Variants in VAV2 observed in about 807,000 individuals in gnomAD.
The protein encoded by VAV2 is guanine nucleotide exchange factor VAV2.
In VAV2, 67 loss-of-function variants were observed where a neutral mutation model predicts 132.5. That is an observed-to-expected ratio of 0.51 (90% CI 0.42 to 0.62). The LOEUF (loss-of-function observed/expected upper bound fraction) is 0.62, where lower values mean the gene tolerates loss of function less well. Among genes scored for constraint, VAV2 ranks in the 20% least tolerant of loss-of-function variants. The pLI, the probability that VAV2 is intolerant of heterozygous loss-of-function variation, is 0.00. For missense variants in VAV2, 938 were observed against 1,153.6 expected (o/e 0.81, Z 2.71); for synonymous variants, 492 against 443.5 (o/e 1.11, Z -1.37).
intron 2 of VAV2, among the ~76,000 whole-genome samples, chr9:133,902,245 C>T (rs1038585485): frequency 6.6e-6 from 1 of 152,204 alleles, no homozygotes; most frequent in Admixed American, 6.5e-5. Flanking sequence ...GAGGACCACG[C>T]AGGACAATCC....
intron 3 of VAV2, among the ~76,000 whole-genome samples, chr9:133,836,838 C>T (rs955749332): frequency 1.3e-5 from 2 of 152,218 alleles, no homozygotes; most frequent in South Asian, 2.1e-4. Flanking sequence ...TGAGCACACA[C>T]GCGTGCCTCT....
At chr9:133,931,944 T>C (rs558379526) in intron 2 of VAV2, among the ~76,000 whole-genome samples, 2 of 152,276 alleles carry the variant, frequency 1.3e-5, no homozygotes, top group East Asian at 1.9e-4. Context: ...CCACGGCACA[T>C]GGTAAACAGT....
At chr9:133,831,125 G>A (rs538997280) in intron 4 of VAV2, among the ~76,000 whole-genome samples, 22 of 152,168 alleles carry the variant, frequency 1.4e-4, no homozygotes, top group East Asian at 3.9e-4. Context: ...CAATCAGGAC[G>A]GGCAGAGAAA....
At chr9:133,979,717 G>A (rs1842634279) in intron 1 of VAV2, among the ~76,000 whole-genome samples, 1 of 152,196 alleles carries the variant, frequency 6.6e-6, no homozygotes, top group South Asian at 2.1e-4. Context: ...TCAGCCTGCT[G>A]ACTTTGCCAG....
chr9:133,920,567 G>A (rs77086577), intron 2 of VAV2, among the ~76,000 whole-genome samples: 2,556 of 152,224 alleles, frequency 0.017, 64 homozygotes, highest in South Asian at 0.056. Flanking sequence ...GAAAAGCGTC[G>A]CTGATACCAG....
chr9:133,921,806 G>A (rs892751616), intron 2 of VAV2, among the ~76,000 whole-genome samples: 2 of 152,224 alleles, frequency 1.3e-5, no homozygotes, highest in Non-Finnish European at 2.9e-5. Flanking sequence ...ATCAACCGCG[G>A]ATGAACTTGA....
At chr9:133,838,387 G>T (rs967227166) in intron 3 of VAV2, among the ~76,000 whole-genome samples, 3 of 149,060 alleles carry the variant, frequency 2.0e-5, no homozygotes, top group African/African-American at 7.5e-5. Context: ...ATGGCGGGGG[G>T]TGGATGGTTG....
intron 1 of VAV2, among the ~76,000 whole-genome samples, chr9:133,951,006 A>G (rs1170152845): frequency 6.6e-6 from 1 of 152,220 alleles, no homozygotes; most frequent in East Asian, 1.9e-4. Context: ...CTTCACAGCC[A>G]GCAGACACCG....
chr9:133,763,901 G>T lies in VAV2; in HGVS notation c.*161C>A. 1.2e-6 allele frequency: 1 copy of T among 831,726 alleles called. No individual in the cohort carries two copies. The highest frequency in any genetic ancestry group is 1.9e-6 in the Non-Finnish European group (1 of 521,606). The allele number at this position is 831,726 out of a possible 1,614,324, so 51.5% of individuals were successfully genotyped here. A position where few individuals can be genotyped will look rare whatever the true frequency, so the allele number is the denominator to read the frequency against. On this transcript the variant is annotated 3_prime_UTR_variant, in exon 30 of 30. Transcript: ENST00000371850. This position sits in a 1 kb window ranked among gnomAD's most constrained non-coding sequence, Gnocchi z 6.8. ...GCCGAGGGCAGGCTGACAGTGAAAC[G>T]GTTCGAGTTTAGGATTCTCAACACC...
intron 13 of VAV2, among the ~76,000 whole-genome samples, chr9:133,791,091 G>A (rs149552810): frequency 8.9e-4 from 135 of 152,328 alleles, no homozygotes; most frequent in African/African-American, 2.8e-3. Context: ...AGCCCCAGAC[G>A]TCAGCAGTGC....
intron 29 of VAV2, among the ~76,000 whole-genome samples, chr9:133,767,870 A>G (rs1039684915): frequency 6.6e-5 from 10 of 152,198 alleles, no homozygotes; most frequent in African/African-American, 2.2e-4. Context: ...GGTCAAAGCT[A>G]GAGGTCCAGA....
intron 9 of VAV2, among the ~76,000 whole-genome samples, chr9:133,799,850 T>G (rs1056789624): frequency 6.6e-6 from 1 of 151,832 alleles, no homozygotes; most frequent in African/African-American, 2.4e-5. Context: ...GAGGGACATT[T>G]AAGAGACCAC....
intron 9 of VAV2, among the ~76,000 whole-genome samples, chr9:133,805,056 C>T (rs563308713): frequency 1.1e-4 from 16 of 152,276 alleles, no homozygotes; most frequent in African/African-American, 3.8e-4. Context: ...AGGCAACGTG[C>T]CTGAGAATCC....
intron 1 of VAV2, among the ~76,000 whole-genome samples, chr9:133,987,940 G>C (rs563393933): frequency 3.9e-5 from 6 of 152,314 alleles, no homozygotes; most frequent in South Asian, 2.1e-4. Context: ...CCACCTCCTA[G>C]CACCCGGCTC....
At chr9:133,832,644 C>T (rs1446024828) in intron 4 of VAV2, among the ~76,000 whole-genome samples, 4 of 152,090 alleles carry the variant, frequency 2.6e-5, no homozygotes, top group East Asian at 3.9e-4. Flanking sequence ...CTGTAACCTC[C>T]GCCTCCTGAG....
At chr9:133,817,537 G>A (rs750221189) in intron 4 of VAV2, among the ~76,000 whole-genome samples, 1 of 152,188 alleles carries the variant, frequency 6.6e-6, no homozygotes, top group Non-Finnish European at 1.5e-5. Flanking sequence ...GAGCCTGGGA[G>A]GTGGAGCTTG....
At chr9:133,800,098 G>A (rs1394884283) in intron 9 of VAV2, among the ~76,000 whole-genome samples, 1 of 152,226 alleles carries the variant, frequency 6.6e-6, no homozygotes, top group Non-Finnish European at 1.5e-5. Flanking sequence ...TAGCTGAGAA[G>A]GGAATCACAC....
intron 21 of VAV2, 31 bp downstream of exon 21, chr9:133,779,883 GGTGA>G (rs758153863): frequency 6.2e-7 from 1 of 1,607,618 alleles, no homozygotes; most frequent in Non-Finnish European, 8.5e-7. Flanking sequence ...GGCTGACATG[GGTGA>G]TAGCAGAGGG....
At chr9:133,858,114 T>A (rs569585255) in intron 3 of VAV2, among the ~76,000 whole-genome samples, 45 of 152,306 alleles carry the variant, frequency 3.0e-4, no homozygotes, top group African/African-American at 9.1e-4. Flanking sequence ...GGAGATGACC[T>A]CTAACCTCTA....
Sources: gnomAD v4.1 joint callset for allele counts (sites outside exome capture counted in the v4.1 genomes callset) on GRCh38, gnomAD v4.1.1 for gene constraint, Gnocchi (gnomAD v3.1) non-coding constraint, MANE v1.5 for transcripts, NCBI Gene and HGNC (gene_info 2026-07-23, HGNC 2026-07-21) for gene names.